The following ZNF236 variants were observed in gnomAD, a reference collection of about 807,000 sequenced individuals.
ZNF236 encodes regulated by glucose.
A neutral mutation model predicts 191.2 loss-of-function variants in ZNF236; 50 were observed. The ratio of observed to expected loss-of-function variants is 0.26; its 90% CI spans 0.21 to 0.33. The LOEUF is 0.33. ZNF236 is among the 10% of genes least tolerant of loss of function. ZNF236 has a pLI of 1.00. For missense variants in ZNF236, 1,754 were observed against 2,374.5 expected, an observed-to-expected ratio of 0.74 and a Z score of 5.43; for synonymous variants, 907 against 928.8, an observed-to-expected ratio of 0.98 and a Z score of 0.43.
At chr18:76,873,973 G>A (rs553843263) in intron 5 of ZNF236, among the ~76,000 whole-genome samples, 4 of 76,206 alleles carry the variant, frequency 5.2e-5, no homozygotes, top group South Asian at 4.7e-4. Flanking sequence ...CTCTCCTGTC[G>A]CCACACAGGC....
In ZNF236 at chr18:76,915,698, G is replaced by A; in HGVS notation, c.3113G>A (p.Gly1038Asp). 6.2e-7 allele frequency: 1 copy of A among 1,614,098 alleles called. No individual in the cohort carries two copies. Among genetic ancestry groups the A allele is most frequent in the Non-Finnish European group, 8.5e-7 (1 of 1,180,016 alleles). ...TGCAATGCTTCCTTCACCACCAATG[G>A]CAGCCTCACCCGGCACATGGCCACA... ...SVCNASFTTN[G>D]SLTRHMATHM... The change falls in exon 19 of 31, where the codon GGC becomes GAC. Residue 1038 changes from glycine to aspartate, a missense_variant. Physicochemically the swap from Gly to Asp is moderately conservative, Grantham distance 94. Around this residue, in one of 5 missense-constraint regions of ZNF236, gnomAD observed 641 missense variants for 869.6 expected, o/e 0.74. Coordinates refer to ENST00000320610, the MANE Select transcript of ZNF236 (RefSeq NM_001306089.2).
rs771537168 is a variant in ZNF236 at position 76,881,372 on chromosome 18, C to G, written c.1277C>G (p.Ala426Gly). Residue 426 changes from alanine (A) to glycine (G), a missense_variant, in exon 9 of 31, where the codon GCT (alanine) becomes GGT (glycine). Coordinates refer to ENST00000320610, the MANE Select transcript of ZNF236 (RefSeq NM_001306089.2). ...CATGCCAAGACCTCTGCACCACACG[C>G]TCAAAACCCAGATGTTTCCAGCGTT... ...SCHAKTSAPH[A>G]QNPDVSSVSN... The G allele has an allele frequency of 6.2e-7, 1 of 1,614,108 alleles. No homozygotes were observed. The highest frequency in any genetic ancestry group is 8.5e-7 in the Non-Finnish European group (1 of 1,180,038).
At chr18:76,865,627 G>A (rs1381621832) in intron 3 of ZNF236, among the ~76,000 whole-genome samples, 3 of 152,142 alleles carry the variant, frequency 2.0e-5, no homozygotes, top group Non-Finnish European at 4.4e-5. Context: ...TGAGATGAAA[G>A]TCAGTGAAGC....
intron 3 of ZNF236, among the ~76,000 whole-genome samples, chr18:76,863,126 T>C (rs973638730): frequency 3.3e-5 from 5 of 152,058 alleles, no homozygotes; most frequent in African/African-American, 1.2e-4. Flanking sequence ...GAGGAGAACC[T>C]GAAGATAGAG....
At chr18:76,829,488 C>T (rs962791004) in intron 1 of ZNF236, among the ~76,000 whole-genome samples, 14 of 152,036 alleles carry the variant, frequency 9.2e-5, no homozygotes, top group Admixed American at 7.2e-4. Flanking sequence ...CTACTACGCC[C>T]GGCTAATTTT....
intron 27 of ZNF236, among the ~76,000 whole-genome samples, chr18:76,952,449 A>G (rs1199906258): frequency 6.6e-6 from 1 of 152,190 alleles, no homozygotes; most frequent in East Asian, 1.9e-4. Context: ...GGGACTTGAG[A>G]CACATGCCTG....
intron 30 of ZNF236, among the ~76,000 whole-genome samples, chr18:76,962,678 C>T (rs1968692783): frequency 6.6e-6 from 1 of 152,188 alleles, no homozygotes; most frequent in African/African-American, 2.4e-5. Context: ...ATTGATTCTA[C>T]CCAACCATGA....
At chr18:76,894,388 T>C (rs1214282820) in intron 9 of ZNF236, among the ~76,000 whole-genome samples, 2 of 152,198 alleles carry the variant, frequency 1.3e-5, no homozygotes, top group East Asian at 3.8e-4. Context: ...GTCTTGGCAG[T>C]ATTTCCTGCT....
At chr18:76,861,485 G>A (rs1468123921) in intron 3 of ZNF236, among the ~76,000 whole-genome samples, 1 of 152,232 alleles carries the variant, frequency 6.6e-6, no homozygotes, top group Non-Finnish European at 1.5e-5. Flanking sequence ...TTGATTAGCT[G>A]TATGCTCAGC....
chr18:76,829,373 G>C (rs1975103319), intron 1 of ZNF236, among the ~76,000 whole-genome samples: 1 of 150,648 alleles, frequency 6.6e-6, no homozygotes, highest in South Asian at 2.1e-4. Flanking sequence ...TGTCGCCCAG[G>C]CTGGAGTGCA....
At chr18:76,879,678 A>G (rs1297448896) in intron 7 of ZNF236, among the ~76,000 whole-genome samples, 1 of 152,196 alleles carries the variant, frequency 6.6e-6, no homozygotes, top group Non-Finnish European at 1.5e-5. Flanking sequence ...TGGCTGTAGC[A>G]TTACAGCGCC....
intron 1 of ZNF236, among the ~76,000 whole-genome samples, chr18:76,826,347 C>A (rs1161195195): frequency 6.9e-6 from 1 of 144,428 alleles, no homozygotes; most frequent in Non-Finnish European, 1.5e-5. Context: ...TGGTCTCGAA[C>A]TCCTGACCTC....
chr18:76,861,278 A>C lies in ZNF236; in HGVS notation c.364-7407A>C, dbSNP rs370272452. 4.6e-5 allele frequency among the ~76,000 whole-genome samples: 7 copies of C among 152,326 alleles called. No individual in the cohort carries two copies. The South Asian group carries it at 1.4e-3, about 32-fold the overall frequency. On this transcript the variant is annotated intron_variant, in intron 3 of 30. Transcript: ENST00000320610. ...GCAGCCGTGCCCTCAGGTTTGTCCA[A>C]CATCTTCATTTGTTATCTCTGAGTT...
At chr18:76,877,142 A>G (rs574998383) in intron 6 of ZNF236, among the ~76,000 whole-genome samples, 2 of 152,202 alleles carry the variant, frequency 1.3e-5, no homozygotes, top group African/African-American at 4.8e-5. Context: ...TATTTTAGGT[A>G]TTTTCTCTGT....
At chr18:76,923,742 A>T (rs1274587633) in intron 21 of ZNF236, among the ~76,000 whole-genome samples, 1 of 152,126 alleles carries the variant, frequency 6.6e-6, no homozygotes, top group African/African-American at 2.4e-5. Flanking sequence ...CTGTGGTCCT[A>T]GACAAGGTTC....
intron 26 of ZNF236, among the ~76,000 whole-genome samples, chr18:76,940,381 C>T (rs376666223): frequency 1.3e-5 from 2 of 151,726 alleles, no homozygotes; most frequent in Non-Finnish European, 2.9e-5. Flanking sequence ...TTTGGCAACA[C>T]GGTGGGCGAC....
At position 76,947,435 on chromosome 18, in the gene ZNF236, A is replaced by G. The variant is rs532204509; in HGVS notation, c.4783-86A>G. ...TGAGGAGCTACCAGCTTGTTTTCCA[A>G]GGTAGCTGCACCATAAAAGATCTTT... On this transcript the variant is annotated intron_variant, in intron 26 of 30. Coordinates refer to ENST00000320610, the MANE Select transcript of ZNF236 (RefSeq NM_001306089.2). 7.2e-5 allele frequency: 106 copies of G among 1,476,502 alleles called. No individual in the cohort carries two copies. In the African/African-American group the frequency reaches 1.4e-3, roughly 19 times the overall value. The allele number at this position is 1,476,502 out of a possible 1,614,324, so 91.5% of individuals were successfully genotyped here.
intron 30 of ZNF236, among the ~76,000 whole-genome samples, chr18:76,964,431 A>G (rs1599431961): frequency 6.6e-6 from 1 of 152,168 alleles, no homozygotes; most frequent in South Asian, 2.1e-4. Flanking sequence ...AGAGAGCTTG[A>G]TATAATTTCA....
intron 9 of ZNF236, chr18:76,886,129 C>A (rs1303721299): frequency 6.6e-6 from 1 of 152,150 alleles, no homozygotes; most frequent in Non-Finnish European, 1.5e-5. Flanking sequence ...TTCCGGCTGT[C>A]TTGTAAACAA....
Sources: allele counts gnomAD v4.1 joint callset (sites outside exome capture counted in the v4.1 genomes callset), GRCh38; gene constraint gnomAD v4.1.1; regional missense constraint gnomAD v4.1.1; transcripts MANE v1.5; gene names NCBI Gene and HGNC (gene_info 2026-07-23, HGNC 2026-07-21).